The following CDH18 variants were observed in gnomAD, a reference collection of about 807,000 sequenced individuals.
The protein encoded by CDH18 is cadherin-18.
CDH18 carries 31 observed loss-of-function variants against 67.9 expected under a neutral mutation model. The observed-to-expected ratio is 0.46, with a 90% CI of 0.34 to 0.62. The LOEUF is 0.62. CDH18 is among the 20% of genes least tolerant of loss of function. The pLI is 0.01. For missense variants in CDH18, 890 were observed against 975.5 expected (o/e 0.91, Z 1.17); for synonymous variants, 362 against 347.2 (o/e 1.04, Z -0.48).
At chr5:19,689,170 T>C (rs1020017471) in intron 5 of CDH18, among the ~76,000 whole-genome samples, 4 of 152,050 alleles carry the variant, frequency 2.6e-5, no homozygotes, top group African/African-American at 9.7e-5. Context: ...CCAGAAGTAG[T>C]AAACTTAGAG....
chr5:20,283,195 G>A (rs1265636769), intron 1 of CDH18, among the ~76,000 whole-genome samples: 1 of 152,076 alleles, frequency 6.6e-6, no homozygotes, highest in African/African-American at 2.4e-5. Context: ...ACATGGGACT[G>A]GGTAGATTTA....
intron 1 of CDH18, among the ~76,000 whole-genome samples, chr5:20,272,054 C>T (rs1745477898): frequency 6.6e-6 from 1 of 151,788 alleles, no homozygotes; most frequent in Admixed American, 6.6e-5. Context: ...TGAACATTTC[C>T]AGTCTATTTT....
intron 8 of CDH18, among the ~76,000 whole-genome samples, chr5:19,546,568 G>C (rs1003332707): frequency 6.6e-6 from 1 of 152,120 alleles, no homozygotes; most frequent in South Asian, 2.1e-4. Flanking sequence ...ATATAGGGTA[G>C]GTGTGGTGAT....
chr5:19,571,204 G>A (rs929553501), intron 8 of CDH18, among the ~76,000 whole-genome samples: 5 of 152,192 alleles, frequency 3.3e-5, no homozygotes, highest in Admixed American at 6.5e-5. Context: ...TTAGAGATGA[G>A]TGTTATCCCC....
intron 2 of CDH18, among the ~76,000 whole-genome samples, chr5:20,100,113 T>G (rs1746330589): frequency 6.6e-6 from 1 of 152,152 alleles, no homozygotes; most frequent in African/African-American, 2.4e-5. Flanking sequence ...GTTTTAATTA[T>G]GGAGACATTC....
chr5:20,138,458 TGGCCA>T (rs1366078455), intron 2 of CDH18, among the ~76,000 whole-genome samples: 1 of 152,170 alleles, frequency 6.6e-6, no homozygotes, highest in Non-Finnish European at 1.5e-5. Flanking sequence ...TTGGAAGTTC[TGGCCA>T]GGACAATCAG....
At chr5:19,899,254 G>T (rs546001611) in intron 2 of CDH18, among the ~76,000 whole-genome samples, 2 of 152,202 alleles carry the variant, frequency 1.3e-5, no homozygotes, top group East Asian at 3.9e-4. Context: ...AGAAAAATTA[G>T]CCAGGCATAG....
chr5:20,021,107 G>A (rs1738379148), intron 2 of CDH18, among the ~76,000 whole-genome samples: 1 of 152,038 alleles, frequency 6.6e-6, no homozygotes, highest in African/African-American at 2.4e-5. Flanking sequence ...GCCCTACTGG[G>A]TTGGGAATTG....
chr5:19,478,142 A>C (rs73760025), intron 12 of CDH18, among the ~76,000 whole-genome samples: 10,558 of 152,170 alleles, frequency 0.069, 450 homozygotes, highest in African/African-American at 0.12. Flanking sequence ...TTTTTCCTAT[A>C]TATTATGTAT....
At chr5:19,787,010 C>T (rs1050118661) in intron 3 of CDH18, among the ~76,000 whole-genome samples, 22 of 152,124 alleles carry the variant, frequency 1.4e-4, no homozygotes, top group Admixed American at 7.9e-4. Context: ...CCCCTACAGA[C>T]GGGATATTTG....
At chr5:20,101,326 T>G (rs962174382) in intron 2 of CDH18, among the ~76,000 whole-genome samples, 3 of 152,232 alleles carry the variant, frequency 2.0e-5, no homozygotes, top group Admixed American at 2.0e-4. Context: ...TCCAGACTTC[T>G]GCAACCAATA....
rs1446544670 is a variant in CDH18, at chr5:19,616,295, G to A, written c.644-3694C>T. ...CACACGCCTACATCCTCACCACACA[G>A]ATACATACATTGATTCCCCCCCACC... On this transcript the variant is annotated intron_variant, in intron 5 of 12. Coordinates refer to ENST00000382275, the MANE Select transcript of CDH18 (RefSeq NM_004934.5). Among the ~76,000 whole-genome samples the A allele has an allele frequency of 2.6e-5, 4 of 151,792 alleles. No individual in the cohort carries two copies. The East Asian group carries it at 7.8e-4, about 29-fold the overall frequency.
chr5:20,171,559 A>T (rs1003105074), intron 2 of CDH18, among the ~76,000 whole-genome samples: 3 of 150,994 alleles, frequency 2.0e-5, no homozygotes, highest in Non-Finnish European at 4.4e-5. Flanking sequence ...CTTTTTAATT[A>T]GGTTGTTTGT....
At chr5:19,613,200 A>G (rs1749281535) in intron 5 of CDH18, among the ~76,000 whole-genome samples, 1 of 152,094 alleles carries the variant, frequency 6.6e-6, no homozygotes, top group African/African-American at 2.4e-5. Context: ...CTGCCACCCT[A>G]TTCCTAGTGC....
At chr5:20,498,844 A>G (rs1425268919) in intron 1 of CDH18, among the ~76,000 whole-genome samples, 2 of 152,114 alleles carry the variant, frequency 1.3e-5, no homozygotes, top group African/African-American at 4.8e-5. Context: ...ATGGTCACTA[A>G]ACATAGATTT....
intron 2 of CDH18, among the ~76,000 whole-genome samples, chr5:20,199,961 C>T (rs1208657399): frequency 6.6e-6 from 1 of 152,152 alleles, no homozygotes; most frequent in Non-Finnish European, 1.5e-5. Context: ...CCTGAGGCCT[C>T]CCCGGCCATA....
intron 3 of CDH18, among the ~76,000 whole-genome samples, chr5:19,749,210 T>G (rs1770509740): frequency 6.6e-6 from 1 of 152,004 alleles, no homozygotes; most frequent in Admixed American, 6.6e-5. Flanking sequence ...ATGACCAAAA[T>G]GTAGCAAAGT....
intron 3 of CDH18, among the ~76,000 whole-genome samples, chr5:19,820,349 G>A (rs1454172628): frequency 1.3e-5 from 2 of 152,178 alleles, no homozygotes; most frequent in African/African-American, 4.8e-5. Context: ...GTAGACAACA[G>A]AGGGAGAAAC....
rs575187735 is a variant in CDH18 at position 20,232,294 on chromosome 5, T to C, written c.-518+23150A>G. 1.1e-3 allele frequency among the ~76,000 whole-genome samples: 166 copies of C among 152,230 alleles called. 1 individual carries two copies. Among genetic ancestry groups the C allele is most frequent in the Middle Eastern group, 6.8e-3 (2 of 294 alleles). ...TGTCACAAATGATCTATATGTTTCA[T>C]TACCTTATGAACTTAAATCCTCAGG... On this transcript the variant is annotated intron_variant, in intron 2 of 14. Coordinates refer to the CDH18 transcript ENST00000507958.
Sources: gnomAD v4.1 joint callset for allele counts (sites outside exome capture counted in the v4.1 genomes callset) on GRCh38, gnomAD v4.1.1 for gene constraint, MANE v1.5 for transcripts, NCBI Gene and HGNC (gene_info 2026-07-23, HGNC 2026-07-21) for gene names.